The following USP45 variants were observed in gnomAD, a reference collection of about 807,000 sequenced individuals.
USP45 encodes the protein ubiquitin carboxyl-terminal hydrolase 45.
Under a neutral mutation model 95.8 loss-of-function variants are expected in USP45, and 89 were observed. That is an observed-to-expected ratio of 0.93 (90% CI 0.78 to 1.11). The LOEUF is 1.11. Among genes scored for constraint, USP45 ranks in the 50% least tolerant of loss-of-function variants. The pLI is 0.00. For synonymous variants in USP45, 281 were observed against 316.2 expected (o/e 0.89, Z 1.18); for missense variants, 898 against 942.5 (o/e 0.95, Z 0.62).
intron 5 of USP45, among the ~76,000 whole-genome samples, chr6:99,500,211 G>A (rs1186279031): frequency 1.3e-5 from 2 of 149,868 alleles, no homozygotes; most frequent in African/African-American, 4.9e-5. Context: ...TGCAGCCTCC[G>A]CCTCCCGGGT....
chr6:99,450,504 T>C (rs1031552769), intron 13 of USP45, among the ~76,000 whole-genome samples: 2 of 152,176 alleles, frequency 1.3e-5, no homozygotes, highest in Non-Finnish European at 2.9e-5. Flanking sequence ...AATCCCTGAA[T>C]AGATCAATAA....
intron 5 of USP45, 51 bp downstream of exon 5, chr6:99,503,714 T>C (rs757908714): frequency 3.3e-6 from 4 of 1,219,570 alleles, no homozygotes; most frequent in Admixed American, 4.4e-5. Context: ...ATGAACTCTA[T>C]ATGAAATACT....
chr6:99,470,407 T>G (rs2128649541), intron 9 of USP45, among the ~76,000 whole-genome samples: 1 of 152,342 alleles, frequency 6.6e-6, no homozygotes, highest in South Asian at 2.1e-4. Context: ...CGAGTTTCAC[T>G]TATTACTAAC....
chr6:99,506,933 C>T (rs1035398788), intron 4 of USP45, among the ~76,000 whole-genome samples: 30 of 152,214 alleles, frequency 2.0e-4, no homozygotes, highest in African/African-American at 6.8e-4. Context: ...AGGCTGGGCG[C>T]AGTGGCTCAC....
At chr6:99,507,570 A>T (rs1798820606) in intron 3 of USP45, 39 bp from the exon 4 acceptor site, 2 of 1,376,686 alleles carry the variant, frequency 1.5e-6, no homozygotes, top group East Asian at 4.6e-5. Flanking sequence ...TGACTTACAA[A>T]TGTTTGTTTC....
At chr6:99,481,577 T>C (rs931306991) in intron 8 of USP45, among the ~76,000 whole-genome samples, 1 of 152,204 alleles carries the variant, frequency 6.6e-6, no homozygotes. Context: ...GGGTATATTG[T>C]GTGATGCAAA....
At chr6:99,469,594 C>T (rs1315717455) in intron 9 of USP45, among the ~76,000 whole-genome samples, 1 of 150,852 alleles carries the variant, frequency 6.6e-6, no homozygotes, top group African/African-American at 2.4e-5. Flanking sequence ...ATCCTACTGC[C>T]TCAGCCTCCC....
chr6:99,508,239 A>G (rs1798970930), intron 3 of USP45, among the ~76,000 whole-genome samples: 1 of 152,186 alleles, frequency 6.6e-6, no homozygotes, highest in South Asian at 2.1e-4. Flanking sequence ...TAACTTTTAA[A>G]CTTTAAGATT....
chr6:99,443,609 C>T lies in USP45; in HGVS notation c.2029G>A (p.Ala677Thr), dbSNP rs1781917110. ...TNARKQLLIS[A>T]VPAVLILHLK... is the part of the protein sequence containing the mutation. ...TGGAGAATTAGGACAGCTGGAACAG[C>T]AGAAATGAGCAATTGCTTCCTGGCA... The change falls in exon 15 of 18, where the codon GCT becomes ACT. Residue 677 changes from alanine (A) to threonine (T), a missense_variant. Transcript: ENST00000500704. 6.2e-7 allele frequency: 1 copy of T among 1,609,348 alleles called. No homozygotes were observed. The highest frequency in any genetic ancestry group is 1.3e-5 in the African/African-American group (1 of 74,988).
In USP45 at chr6:99,435,813, T is replaced by C. The variant is rs776643437; in HGVS notation, c.2348A>G (p.Gln783Arg). The change falls in exon 18 of 18, where the codon CAG becomes CGG. Residue 783 changes from glutamine (Q) to arginine (R), a missense_variant. By Grantham distance (43) the Gln-to-Arg change is conservative. Transcript: ENST00000500704. ...LKAADNESAGQWVHVSDTYLQ... is the reference protein window; with the variant it reads ...LKAADNESAGRWVHVSDTYLQ... ...GTAAGTGTCACTAACATGGACCCAC[T>C]GGCCTGCTGATTCATTATCAGCCGC... 1.9e-6 allele frequency: 3 copies of C among 1,613,348 alleles called. No individual in the cohort carries two copies. The South Asian group carries it at 3.3e-5, about 18-fold the overall frequency.
chr6:99,508,542 C>G, intron 3 of USP45, 68 bp downstream of exon 3: 1 of 1,465,286 alleles, frequency 6.8e-7, no homozygotes, highest in Non-Finnish European at 9.2e-7. Flanking sequence ...GACCAACAGT[C>G]CAACTCACAA....
At chr6:99,452,604 TG>T (rs1784138198) in intron 13 of USP45, among the ~76,000 whole-genome samples, 1 of 152,230 alleles carries the variant, frequency 6.6e-6, no homozygotes. Flanking sequence ...TCAACTATTG[TG>T]GAAGACAGCG....
intron 5 of USP45, among the ~76,000 whole-genome samples, chr6:99,494,038 A>G (rs919568577): frequency 2.6e-5 from 4 of 152,208 alleles, no homozygotes; most frequent in Non-Finnish European, 4.4e-5. Context: ...GACAAACTAT[A>G]CAAAATTTTT....
At chr6:99,466,445 T>C (rs1326699244) in intron 11 of USP45, among the ~76,000 whole-genome samples, 2 of 152,352 alleles carry the variant, frequency 1.3e-5, no homozygotes, top group South Asian at 2.1e-4. Flanking sequence ...GCCTCATAGG[T>C]GTGTCATGAG....
chr6:99,483,821 G>A (rs1314476450), intron 7 of USP45, among the ~76,000 whole-genome samples: 3 of 112,214 alleles, frequency 2.7e-5, no homozygotes, highest in Non-Finnish European at 5.2e-5. Flanking sequence ...GTCCGGCCTG[G>A]GCGACAGAGC....
intron 16 of USP45, among the ~76,000 whole-genome samples, chr6:99,437,724 C>A (rs541321702): frequency 6.6e-6 from 1 of 151,510 alleles, no homozygotes; most frequent in South Asian, 2.1e-4. Context: ...ATGGTGTGAT[C>A]TCGGCTCACT....
intron 11 of USP45, among the ~76,000 whole-genome samples, chr6:99,466,022 G>GA (rs1787864976): frequency 6.8e-6 from 1 of 146,214 alleles, no homozygotes; most frequent in Non-Finnish European, 1.5e-5. Flanking sequence ...ATTGGAATTA[G>GA]TTTTTTTTTT....
chr6:99,439,730 T>G (rs753816515), intron 16 of USP45, 39 bp downstream of exon 16: 1 of 1,385,306 alleles, frequency 7.2e-7, no homozygotes, highest in Non-Finnish European at 9.7e-7. Flanking sequence ...TTCAAGCATA[T>G]TAATTTATAA....
At chr6:99,446,513 A>G in intron 13 of USP45, 50 bp from the exon 14 acceptor site, 1 of 1,472,852 alleles carries the variant, frequency 6.8e-7, no homozygotes, top group Non-Finnish European at 9.1e-7. Flanking sequence ...ACCTCATTGA[A>G]AATAAATGCC....
Sources: gnomAD v4.1 joint callset for allele counts (sites outside exome capture counted in the v4.1 genomes callset) on GRCh38, gnomAD v4.1.1 for gene constraint, MANE v1.5 for transcripts, NCBI Gene and HGNC (gene_info 2026-07-23, HGNC 2026-07-21) for gene names.